The following FANCC variants were observed in gnomAD, a reference collection of about 807,000 sequenced individuals.
The protein encoded by FANCC is FA complementation group C.
Under a neutral mutation model 71.3 loss-of-function variants are expected in FANCC, and 55 were observed. The ratio of observed to expected loss-of-function variants is 0.77; its 90% CI spans 0.62 to 0.97. FANCC has a LOEUF of 0.97. Ranked by LOEUF, FANCC falls within the 50% of genes least tolerant of loss-of-function variation. FANCC has a pLI of 0.00. For synonymous variants in FANCC, 275 were observed against 244.9 expected (o/e 1.12, Z -1.15); for missense variants, 678 against 670.9 (o/e 1.01, Z -0.12).
chr9:95,197,409 C>T (rs1199507870), intron 4 of FANCC, among the ~76,000 whole-genome samples: 1 of 152,058 alleles, frequency 6.6e-6, no homozygotes, highest in African/African-American at 2.4e-5. Context: ...TATGGTGGCA[C>T]GCATCTGTAG....
chr9:95,115,180 G>A (rs998014872), intron 11 of FANCC, among the ~76,000 whole-genome samples: 3 of 152,206 alleles, frequency 2.0e-5, no homozygotes, highest in Non-Finnish European at 4.4e-5. Context: ...GGGCTCAAGT[G>A]ATCCTCCCGC....
chr9:95,221,659 A>G (rs2135939629), intron 4 of FANCC, among the ~76,000 whole-genome samples: 1 of 152,352 alleles, frequency 6.6e-6, no homozygotes, highest in East Asian at 1.9e-4. Flanking sequence ...TCTGGAATAT[A>G]AAGGGTAGTC....
chr9:95,171,228 C>A (rs1299800705), intron 5 of FANCC, 85 bp from the exon 6 acceptor site: 1 of 1,009,920 alleles, frequency 9.9e-7, no homozygotes, highest in Non-Finnish European at 1.6e-6. Flanking sequence ...AGTGATATTT[C>A]CGTTGAGATT....
At chr9:95,123,492 T>C (rs555066867) in intron 10 of FANCC, 11 of 466,474 alleles carry the variant, frequency 2.4e-5, no homozygotes, top group South Asian at 4.6e-5. Flanking sequence ...ATACAAAAAT[T>C]AGTGCTTCCT....
intron 1 of FANCC, among the ~76,000 whole-genome samples, chr9:95,309,681 T>C (rs1305323849): frequency 2.0e-5 from 3 of 152,196 alleles, no homozygotes; most frequent in Non-Finnish European, 4.4e-5. Flanking sequence ...TTTCCAGTAA[T>C]TGAAAACCCA....
chr9:95,161,959 A>G (rs977554003), intron 6 of FANCC, among the ~76,000 whole-genome samples: 4 of 151,390 alleles, frequency 2.6e-5, no homozygotes, highest in African/African-American at 7.3e-5. Context: ...CTCCTGCCTC[A>G]GCCTCCTGGG....
intron 4 of FANCC, among the ~76,000 whole-genome samples, chr9:95,238,518 A>C (rs1244869474): frequency 6.6e-6 from 1 of 152,006 alleles, no homozygotes; most frequent in African/African-American, 2.4e-5. Flanking sequence ...GTTAGTCTCT[A>C]AAACTCACAC....
chr9:95,293,023 T>C, intron 1 of FANCC: 2 of 1,587,408 alleles, frequency 1.3e-6, no homozygotes, highest in Non-Finnish European at 1.7e-6. Flanking sequence ...AAAAGGAAAA[T>C]GGAAAACTGT....
chr9:95,116,594 T>C (rs2072441950), intron 11 of FANCC, among the ~76,000 whole-genome samples: 1 of 152,238 alleles, frequency 6.6e-6, no homozygotes. Context: ...ATAAGGCCCC[T>C]TTCTGGCTGG....
intron 8 of FANCC, among the ~76,000 whole-genome samples, chr9:95,130,015 A>G (rs775933137): frequency 1.3e-5 from 2 of 152,162 alleles, no homozygotes; most frequent in Non-Finnish European, 2.9e-5. Flanking sequence ...AGGGAAGACA[A>G]AGTCAACATG....
chr9:95,126,110 T>A (rs916240254), intron 9 of FANCC, among the ~76,000 whole-genome samples: 5 of 152,218 alleles, frequency 3.3e-5, no homozygotes, highest in African/African-American at 1.2e-4. Flanking sequence ...TCAGAAGAGT[T>A]CTGTTAAGAA....
intron 1 of FANCC, chr9:95,293,863 T>A: frequency 6.2e-7 from 1 of 1,609,260 alleles, no homozygotes; most frequent in South Asian, 1.1e-5. Flanking sequence ...CATGTACAGA[T>A]GGACCAAGCT....
intron 8 of FANCC, among the ~76,000 whole-genome samples, chr9:95,133,292 C>T (rs1256808598): frequency 1.3e-5 from 2 of 152,250 alleles, no homozygotes; most frequent in African/African-American, 2.4e-5. Context: ...ATTGTAATTA[C>T]GTCCTTGAAC....
intron 1 of FANCC, among the ~76,000 whole-genome samples, chr9:95,304,248 ATAAAG>A (rs1310148927): frequency 6.6e-6 from 1 of 152,202 alleles, no homozygotes; most frequent in Non-Finnish European, 1.5e-5. Context: ...AAGAAAGAAA[ATAAAG>A]TAAACAGAAG....
At chr9:95,162,003 A>T (rs985509338) in intron 6 of FANCC, among the ~76,000 whole-genome samples, 1 of 151,778 alleles carries the variant, frequency 6.6e-6, no homozygotes, top group Non-Finnish European at 1.5e-5. Context: ...CACCACACCC[A>T]TCTAATTTTT....
At position 95,100,683 on chromosome 9, in the gene FANCC, T is replaced by C. The variant is rs2071042742; in HGVS notation, c.*1024A>G. 1 of 228,772 alleles carries C rather than the reference T, an allele frequency of 4.4e-6. No homozygotes were observed. Among genetic ancestry groups the C allele is most frequent in the Non-Finnish European group, 8.7e-6 (1 of 115,366 alleles). The allele number at this position is 228,772 out of a possible 1,614,324, so 14.2% of individuals were successfully genotyped here. On this transcript the variant is annotated 3_prime_UTR_variant, in exon 15 of 15. Coordinates refer to ENST00000289081, the MANE Select transcript of FANCC (RefSeq NM_000136.3). ...TCTCGCTCTGTTGCCCAGGCTGGAG[T>C]GCAGTGTCATGATCTCGGCTCACTA...
intron 4 of FANCC, among the ~76,000 whole-genome samples, chr9:95,223,203 A>G (rs1210767172): frequency 6.6e-6 from 1 of 152,226 alleles, no homozygotes; most frequent in Non-Finnish European, 1.5e-5. Context: ...TAAACCACAG[A>G]AATTTGTCTC....
At chr9:95,253,795 G>C (rs1411677770) in intron 1 of FANCC, among the ~76,000 whole-genome samples, 1 of 151,968 alleles carries the variant, frequency 6.6e-6, no homozygotes, top group African/African-American at 2.4e-5. Flanking sequence ...GACCAGGGCG[G>C]GGGCAGGGAT....
chr9:95,241,452 C>G (rs966143145), intron 3 of FANCC, among the ~76,000 whole-genome samples: 1 of 151,962 alleles, frequency 6.6e-6, no homozygotes, highest in Non-Finnish European at 1.5e-5. Context: ...TACTTTCTTT[C>G]TCCTTTTGTG....
Sources: gnomAD v4.1 joint callset for allele counts (sites outside exome capture counted in the v4.1 genomes callset) on GRCh38, gnomAD v4.1.1 for gene constraint, MANE v1.5 for transcripts, NCBI Gene and HGNC (gene_info 2026-07-23, HGNC 2026-07-21) for gene names.